DCAKD: variants seen among roughly 807,000 people sequenced by gnomAD.
DCAKD encodes dephospho-CoA kinase domain-containing protein.
Under a neutral mutation model 18.7 loss-of-function variants are expected in DCAKD, and 15 were observed. That is an observed-to-expected ratio of 0.80 (90% CI 0.54 to 1.24). The LOEUF is 1.24. Among genes scored for constraint, DCAKD ranks in the 50% most tolerant of loss-of-function variants. The pLI is 0.00. For missense variants in DCAKD, 301 were observed against 322.0 expected, an observed-to-expected ratio of 0.93 and a Z score of 0.50; for synonymous variants, 130 against 133.0, an observed-to-expected ratio of 0.98 and a Z score of 0.16.
Position 45,024,377 on chromosome 17 carries a change from C to A in DCAKD, c.*56G>T. 1 of 1,536,432 alleles carries A rather than the reference C, an allele frequency of 6.5e-7. No homozygotes were observed. Among genetic ancestry groups the A allele is most frequent in the Non-Finnish European group, 8.8e-7 (1 of 1,134,984 alleles). On this transcript the variant is annotated 3_prime_UTR_variant, in exon 5 of 5. Transcript: ENST00000651974. ...AGAGGAAACAGGATGTGTTACCTGGCTTCAGCCTCCAAGGAGATAGATGGA... is the reference window on the plus strand; with the variant it reads ...AGAGGAAACAGGATGTGTTACCTGGATTCAGCCTCCAAGGAGATAGATGGA...
chr17:45,052,305 A>T (rs553701490), upstream of DCAKD, among the ~76,000 whole-genome samples: 255 of 152,314 alleles, frequency 1.7e-3, 1 homozygote, highest in African/African-American at 5.8e-3. Flanking sequence ...GCCTTGGCAG[A>T]GGTGATCATG....
At chr17:45,034,631 G>A in intron 2 of DCAKD, 143 bp downstream of exon 2, 1 of 983,472 alleles carries the variant, frequency 1.0e-6, no homozygotes, top group Non-Finnish European at 1.5e-6. Context: ...GAGAAGGCAA[G>A]CACGGGGCAG....
chr17:45,055,361 C>G (rs553088867), upstream of DCAKD, among the ~76,000 whole-genome samples: 800 of 121,530 alleles, frequency 6.6e-3, 5 homozygotes, highest in Middle Eastern at 0.031. Flanking sequence ...ATTTTCTGTA[C>G]GTTTATTTAT....
Position 45,024,272 on chromosome 17 carries a change from T to A in DCAKD, c.*161A>T. The A allele has an allele frequency of 1.1e-6, 1 of 952,362 alleles. No individual in the cohort carries two copies. The highest frequency in any genetic ancestry group is 2.0e-5 in the South Asian group (1 of 51,208). 59.0% of individuals were successfully genotyped at this position (952,362 alleles called of 1,614,324 possible). A position where few individuals can be genotyped will look rare whatever the true frequency, so the allele number is the denominator to read the frequency against. On this transcript the variant is annotated 3_prime_UTR_variant, in exon 5 of 5. Transcript: ENST00000651974. ...ATGGCCTGGCACAGAGGCCCAGCCC[T>A]GATTCGGAGAGTCCGTGTGTGTGTG...
chr17:45,055,252 T>G (rs1451023970), upstream of DCAKD, among the ~76,000 whole-genome samples: 1 of 152,238 alleles, frequency 6.6e-6, no homozygotes, highest in East Asian at 1.9e-4. Flanking sequence ...TCCTTAGCAT[T>G]TAGCATGATG....
intron 4 of DCAKD, among the ~76,000 whole-genome samples, chr17:45,026,213 C>T (rs2053052217): frequency 6.8e-6 from 1 of 147,064 alleles, no homozygotes; most frequent in Non-Finnish European, 1.5e-5. Flanking sequence ...GCCACCGCGC[C>T]TGGACTTTTT....
intron 1 of DCAKD, among the ~76,000 whole-genome samples, chr17:45,037,913 C>T (rs2053341303): frequency 6.6e-6 from 1 of 150,980 alleles, no homozygotes; most frequent in Non-Finnish European, 1.5e-5. Context: ...ATTACAGGTG[C>T]CCACCACCAT....
chr17:45,052,808 A>G (rs1046189093), upstream of DCAKD, among the ~76,000 whole-genome samples: 1 of 151,774 alleles, frequency 6.6e-6, no homozygotes, highest in Non-Finnish European at 1.5e-5. Context: ...GGCTGCAGAG[A>G]GCCATGATGG....
intron 3 of DCAKD, among the ~76,000 whole-genome samples, chr17:45,032,387 T>C (rs939021099): frequency 6.7e-6 from 1 of 150,366 alleles, no homozygotes; most frequent in African/African-American, 2.5e-5. Flanking sequence ...TGTCGAGTCA[T>C]CCCTCTTTTG....
At chr17:45,036,031 GCTGGTGGTGTGA>G (rs1399550739) in intron 1 of DCAKD, among the ~76,000 whole-genome samples, 2 of 152,234 alleles carry the variant, frequency 1.3e-5, no homozygotes, top group Non-Finnish European at 2.9e-5. Context: ...GCTGGGCGAT[GCTGGTGGTGTGA>G]CTTTGAGCTG....
chr17:45,028,331 C>T (rs1179837225), intron 4 of DCAKD, among the ~76,000 whole-genome samples: 7 of 151,006 alleles, frequency 4.6e-5, no homozygotes, highest in East Asian at 2.0e-4. Flanking sequence ...AGGATGGTCG[C>T]GATCTTCTGA....
intron 1 of DCAKD, among the ~76,000 whole-genome samples, chr17:45,047,916 A>C (rs2053608268): frequency 6.6e-6 from 1 of 152,180 alleles, no homozygotes. Flanking sequence ...ATTAAGAGAA[A>C]TACTCAAATA....
Position 45,034,926 on chromosome 17 carries a change from G to A in DCAKD, c.-41C>T, listed in dbSNP as rs769587027. 6 of 1,605,152 alleles carry A rather than the reference G, an allele frequency of 3.7e-6. No homozygotes were observed. Among genetic ancestry groups the A allele is most frequent in the Non-Finnish European group, 5.1e-6 (6 of 1,173,760 alleles). On this transcript the variant is annotated 5_prime_UTR_variant, in exon 2 of 5. Transcript: ENST00000651974. ...GCTGTCCGCGAGACTACGGAGCCAG[G>A]AGCTACAGAATCACTGGAGAGCAGG...
chr17:45,038,048 C>T (rs939759995), intron 1 of DCAKD, among the ~76,000 whole-genome samples: 4 of 151,110 alleles, frequency 2.6e-5, no homozygotes, highest in Non-Finnish European at 4.4e-5. Flanking sequence ...GGATTACAGG[C>T]GTGAGCCACC....
upstream of DCAKD, among the ~76,000 whole-genome samples, chr17:45,053,580 C>G (rs559182698): frequency 9.2e-5 from 14 of 152,192 alleles, no homozygotes; most frequent in African/African-American, 3.1e-4. Context: ...TACCACCACA[C>G]TCGGCTAATT....
chr17:45,055,079 A>G (rs2053766636), upstream of DCAKD, among the ~76,000 whole-genome samples: 1 of 152,094 alleles, frequency 6.6e-6, no homozygotes. Flanking sequence ...CCATAATGAA[A>G]CTTGGGCTTT....
chr17:45,048,692 G>C (rs1020211186), intron 1 of DCAKD, among the ~76,000 whole-genome samples: 1 of 151,658 alleles, frequency 6.6e-6, no homozygotes, highest in African/African-American at 2.4e-5. Context: ...TGTAATCCCA[G>C]CTACTCAGGA....
rs181268654 is a variant in DCAKD, at chr17:45,024,604, G to C, written c.525C>G (p.Val175=). 2 of 1,614,130 alleles carry C rather than the reference G, an allele frequency of 1.2e-6. No individual in the cohort carries two copies. The highest frequency in any genetic ancestry group is 1.7e-6 in the Non-Finnish European group (2 of 1,179,980). The change falls in exon 5 of 5, where the codon GTC becomes GTG. Residue 175 remains valine, a synonymous_variant. Coordinates refer to ENST00000651974, the MANE Select transcript of DCAKD (RefSeq NM_001288655.2). The part of the protein sequence containing the change: ...LTDKARMARH[V]LDNSGEWSVT... ...CACTCCACTCGCCCGAGTTGTCTAG[G>C]ACATGGCGGGCCATGCGGGCCTTGT...
chr17:45,034,888 T>C lies in DCAKD; in HGVS notation c.-3A>G. On this transcript the variant is annotated 5_prime_UTR_variant, in exon 2 of 5. Transcript: ENST00000651974. Reference sequence around the variant, plus strand: ...CCTGTCAGGCCCACCAGAAACATCTTCCAGGAAAGAGAGCTGTCCGCGAGA... The same window carrying C: ...CCTGTCAGGCCCACCAGAAACATCTCCCAGGAAAGAGAGCTGTCCGCGAGA... 1 of 1,614,012 alleles carries C rather than the reference T, an allele frequency of 6.2e-7. No homozygotes were observed. Among genetic ancestry groups the C allele is most frequent in the African/African-American group, 1.3e-5 (1 of 75,026 alleles).
Sources: allele counts gnomAD v4.1 joint callset (sites outside exome capture counted in the v4.1 genomes callset), GRCh38; gene constraint gnomAD v4.1.1; transcripts MANE v1.5; gene names NCBI Gene and HGNC (gene_info 2026-07-23, HGNC 2026-07-21).